Variants in CPLX1 observed in about 807,000 individuals in gnomAD.
The protein encoded by CPLX1 is complexin-1.
CPLX1 carries 6 observed loss-of-function variants against 15.6 expected under a neutral mutation model. That is an observed-to-expected ratio of 0.39 (90% CI 0.21 to 0.76). The LOEUF is 0.76. Ranked by LOEUF, CPLX1 falls within the 30% of genes least tolerant of loss-of-function variation. The pLI is 0.43. For missense variants in CPLX1, 242 were observed against 188.6 expected, an observed-to-expected ratio of 1.28 and a Z score of -1.66; for synonymous variants, 91 against 75.2, an observed-to-expected ratio of 1.21 and a Z score of -1.08.
intron 2 of CPLX1, among the ~76,000 whole-genome samples, chr4:793,351 C>G (rs886932616): frequency 6.6e-6 from 1 of 152,104 alleles, no homozygotes; most frequent in Non-Finnish European, 1.5e-5. Flanking sequence ...TGCAGGGGAC[C>G]GCTTGTTACT....
At chr4:787,147 TC>T (rs1746022008) in intron 3 of CPLX1, 1 of 985,156 alleles carries the variant, frequency 1.0e-6, no homozygotes, top group South Asian at 4.7e-5. Flanking sequence ...GCATTCACAC[TC>T]CCGGGCCTGG....
intron 2 of CPLX1, among the ~76,000 whole-genome samples, chr4:823,802 C>T (rs1286381187): frequency 2.0e-5 from 3 of 152,242 alleles, no homozygotes; most frequent in African/African-American, 7.2e-5. Flanking sequence ...AGCCTTGGGT[C>T]AAGTGGGGAC....
chr4:813,833 C>T (rs1746703287), intron 2 of CPLX1, among the ~76,000 whole-genome samples: 1 of 152,178 alleles, frequency 6.6e-6, no homozygotes, highest in Non-Finnish European at 1.5e-5. Flanking sequence ...CAGCTCGCCA[C>T]GTTTGCCCTA....
At chr4:809,553 G>A (rs1040450383) in intron 2 of CPLX1, among the ~76,000 whole-genome samples, 13 of 152,352 alleles carry the variant, frequency 8.5e-5, no homozygotes, top group African/African-American at 3.1e-4. Flanking sequence ...CAGGCCGTGG[G>A]GGCCACATGT....
At chr4:820,582 C>A (rs1273623992) in intron 2 of CPLX1, among the ~76,000 whole-genome samples, 1 of 152,118 alleles carries the variant, frequency 6.6e-6, no homozygotes, top group Non-Finnish European at 1.5e-5. Flanking sequence ...ACTTTGGTGC[C>A]GGGAAGGAGG....
intron 2 of CPLX1, among the ~76,000 whole-genome samples, chr4:802,618 C>A (rs1417339694): frequency 1.3e-5 from 2 of 152,126 alleles, no homozygotes; most frequent in Non-Finnish European, 2.9e-5. Flanking sequence ...GTAAGTAACC[C>A]TTCAACTGAA....
intron 2 of CPLX1, among the ~76,000 whole-genome samples, chr4:810,065 T>G (rs1375151063): frequency 2.7e-5 from 4 of 150,102 alleles, no homozygotes; most frequent in Admixed American, 6.6e-5. Context: ...TTTTTTTTTT[T>G]TTGAGATGGA....
chr4:807,648 T>A (rs979119320), intron 2 of CPLX1, among the ~76,000 whole-genome samples: 1 of 151,970 alleles, frequency 6.6e-6, no homozygotes, highest in Non-Finnish European at 1.5e-5. Context: ...CCAATTTTTT[T>A]TTATTATTAT....
intron 2 of CPLX1, among the ~76,000 whole-genome samples, chr4:810,206 C>T (rs558704430): frequency 2.6e-5 from 4 of 152,138 alleles, no homozygotes; most frequent in South Asian, 2.1e-4. Context: ...CCTGCAACCA[C>T]GCCCGGCTAA....
At chr4:805,038 G>T (rs1267863632) in intron 2 of CPLX1, 8 of 674,794 alleles carry the variant, frequency 1.2e-5, no homozygotes, top group Non-Finnish European at 1.5e-5. Flanking sequence ...CGTCTGTCTC[G>T]GCAGCGGCCC....
At chr4:798,215 C>T (rs1194165830) in intron 2 of CPLX1, among the ~76,000 whole-genome samples, 1 of 138,978 alleles carries the variant, frequency 7.2e-6, no homozygotes, top group African/African-American at 2.8e-5. Flanking sequence ...GTGGAGGTTG[C>T]AGTGAGCCGA....
chr4:793,691 T>C (rs10902759), intron 2 of CPLX1, among the ~76,000 whole-genome samples: 120,214 of 152,108 alleles, frequency 0.79, 48,059 homozygotes, highest in South Asian at 0.93. Flanking sequence ...GAGGGGACTC[T>C]GGCCACACGT....
rs1401951013 is a variant in CPLX1 at position 785,767 on chromosome 4, G to A, written c.*734C>T. On this transcript the variant is annotated 3_prime_UTR_variant, in exon 4 of 4. Coordinates refer to ENST00000304062, the MANE Select transcript of CPLX1 (RefSeq NM_006651.4). ...CGAGGGCAGGGGTCCTCCCCAGGGA[G>A]AAGCAGCAGCCGCGTGGGCGGAGAG... is the stretch of plus-strand genomic sequence containing the variant. 2 of 152,386 alleles carry A rather than the reference G, an allele frequency of 1.3e-5. No individual in the cohort carries two copies. The highest frequency in any genetic ancestry group is 3.9e-4 in the East Asian group (2 of 5,172). 9.4% of individuals were successfully genotyped at this position (152,386 alleles called of 1,614,324 possible).
chr4:824,460 A>G (rs1198806234), intron 2 of CPLX1, 32 bp downstream of exon 2: 2 of 1,597,832 alleles, frequency 1.3e-6, no homozygotes, highest in East Asian at 2.2e-5. Flanking sequence ...ATGTCCCCTC[A>G]GCCCCTCCCC....
At chr4:798,349 A>C (rs1411159713) in intron 2 of CPLX1, among the ~76,000 whole-genome samples, 2 of 152,032 alleles carry the variant, frequency 1.3e-5, no homozygotes, top group Non-Finnish European at 2.9e-5. Context: ...ACCCATACAT[A>C]TATTGTCAAT....
intron 3 of CPLX1, among the ~76,000 whole-genome samples, chr4:791,729 C>T (rs1746180986): frequency 6.6e-6 from 1 of 152,166 alleles, no homozygotes; most frequent in Non-Finnish European, 1.5e-5. Context: ...CCCCTACCCT[C>T]GGGGCCAGGG....
At position 809,725 on chromosome 4, in the gene CPLX1, G is replaced by A. The variant is rs1328848728; in HGVS notation, c.31+14767C>T. On this transcript the variant is annotated intron_variant, in intron 2 of 3. Coordinates refer to ENST00000304062, the MANE Select transcript of CPLX1 (RefSeq NM_006651.4). ...ACAATCAAGACAGTGGACACGTCCA[G>A]CCCTCGGGTTTCATGGTGGCCTGTG... Among the ~76,000 whole-genome samples the A allele has an allele frequency of 2.6e-5, 4 of 152,332 alleles. No homozygotes were observed. In the East Asian group the frequency reaches 5.8e-4, roughly 22 times the overall value.
At chr4:820,472 A>G (rs1182522178) in intron 2 of CPLX1, among the ~76,000 whole-genome samples, 1 of 152,196 alleles carries the variant, frequency 6.6e-6, no homozygotes, top group Admixed American at 6.5e-5. Flanking sequence ...CCCATGGTGT[A>G]AGTCTCAGGG....
intron 3 of CPLX1, among the ~76,000 whole-genome samples, chr4:790,110 C>G (rs1158956963): frequency 6.6e-6 from 1 of 152,086 alleles, no homozygotes; most frequent in South Asian, 2.1e-4. Flanking sequence ...GCGGGGTTCC[C>G]CCACCCCAAA....
Sources: allele counts gnomAD v4.1 joint callset (sites outside exome capture counted in the v4.1 genomes callset), GRCh38; gene constraint gnomAD v4.1.1; transcripts MANE v1.5; gene names NCBI Gene and HGNC (gene_info 2026-07-23, HGNC 2026-07-21).